The following NAP1L4 variants were observed in gnomAD, a reference collection of about 807,000 sequenced individuals.
NAP1L4 encodes nucleosome assembly protein 1 like 4.
A neutral mutation model predicts 58.2 loss-of-function variants in NAP1L4; 15 were observed. The ratio of observed to expected loss-of-function variants is 0.26; its 90% CI spans 0.17 to 0.40. The LOEUF is 0.40. NAP1L4 is among the 10% of genes least tolerant of loss of function. The probability of loss-of-function intolerance (pLI) is 1.00; values close to 1 mark genes in which losing one functional copy is unlikely to be tolerated. For synonymous variants in NAP1L4, 171 were observed against 155.6 expected (o/e 1.10, Z -0.74); for missense variants, 384 against 451.1 (o/e 0.85, Z 1.35).
At chr11:2,987,584 G>C (rs193277791) in intron 1 of NAP1L4, among the ~76,000 whole-genome samples, 1 of 151,140 alleles carries the variant, frequency 6.6e-6, no homozygotes, top group Non-Finnish European at 1.5e-5. Flanking sequence ...GGTGAAACCC[G>C]TCTCTACTAA....
chr11:2,950,691 C>G (rs1453959991), intron 14 of NAP1L4, among the ~76,000 whole-genome samples: 1 of 152,192 alleles, frequency 6.6e-6, no homozygotes, highest in Admixed American at 6.5e-5. Flanking sequence ...AAATAAAAAT[C>G]TAAATTTGCA....
In NAP1L4 at chr11:2,971,478, G is replaced by C. The variant is rs1847632487; in HGVS notation, c.372C>G (p.His124Gln). The C allele has an allele frequency of 6.2e-7, 1 of 1,613,800 alleles. No homozygotes were observed. Among genetic ancestry groups the C allele is most frequent in the Non-Finnish European group, 8.5e-7 (1 of 1,180,006 alleles). Reference sequence around the variant, plus strand: ...ATTTCTCTTCCTCTTCATTTTCACTGTGCCATTCCGATTCCGCATCTGTTG... The same window carrying C: ...ATTTCTCTTCCTCTTCATTTTCACTCTGCCATTCCGATTCCGCATCTGTTG... ...VEPTDAESEW[H>Q]SENEEEEKLA... is the part of the protein sequence containing the mutation. Residue 124 changes from histidine to glutamine, a missense_variant, in exon 6 of 16, where the codon CAC (histidine) becomes CAG (glutamine). His to Gln is a conservative substitution (Grantham distance 24, BLOSUM62 0). Coordinates refer to ENST00000380542, the MANE Select transcript of NAP1L4 (RefSeq NM_005969.4). This position sits in a 1 kb window ranked among gnomAD's most constrained non-coding sequence, Gnocchi z 4.2.
intron 15 of NAP1L4, among the ~76,000 whole-genome samples, chr11:2,947,901 A>C (rs762490437): frequency 2.2e-4 from 34 of 152,248 alleles, no homozygotes; most frequent in Admixed American, 1.3e-4. Flanking sequence ...CCAAGTGCCC[A>C]GAGCCCTATG....
At chr11:2,978,132 T>C (rs1426955130) in intron 3 of NAP1L4, 152 bp downstream of exon 3, 1 of 665,524 alleles carries the variant, frequency 1.5e-6, no homozygotes, top group Non-Finnish European at 2.5e-6. Flanking sequence ...AATACATCTT[T>C]TGTTAATGAG....
chr11:2,974,111 C>T (rs188186453), intron 4 of NAP1L4, among the ~76,000 whole-genome samples: 139 of 152,252 alleles, frequency 9.1e-4, no homozygotes, highest in Non-Finnish European at 1.3e-3. Flanking sequence ...AGCTTTCCAA[C>T]TGAAGTAAAA....
intron 4 of NAP1L4, among the ~76,000 whole-genome samples, chr11:2,975,178 C>T (rs1353742377): frequency 6.7e-6 from 1 of 149,782 alleles, no homozygotes; most frequent in Non-Finnish European, 1.5e-5. Flanking sequence ...AATTGCCATG[C>T]ATGGTGGTGC....
At chr11:2,976,636 T>C (rs1452840759) in intron 3 of NAP1L4, among the ~76,000 whole-genome samples, 1 of 152,240 alleles carries the variant, frequency 6.6e-6, no homozygotes, top group African/African-American at 2.4e-5. Flanking sequence ...CATGTGCTAC[T>C]CGCCTCTGCC....
chr11:2,944,756 T>C lies in NAP1L4; in HGVS notation c.*923A>G, dbSNP rs904272221. 2 of 152,140 alleles carry C rather than the reference T, an allele frequency of 1.3e-5. No individual in the cohort carries two copies. Among genetic ancestry groups the C allele is most frequent in the African/African-American group, 2.4e-5 (1 of 41,438 alleles). The allele number at this position is 152,140 out of a possible 1,614,324, so 9.4% of individuals were successfully genotyped here. A position where few individuals can be genotyped will look rare whatever the true frequency, so the allele number is the denominator to read the frequency against. ...AGGACTTCCCAGCCCAGTCCCTCAGTGGAGAAGACTGCCGAAGCCCGGCTC... is the reference window on the plus strand; with the variant it reads ...AGGACTTCCCAGCCCAGTCCCTCAGCGGAGAAGACTGCCGAAGCCCGGCTC... On this transcript the variant is annotated 3_prime_UTR_variant, in exon 16 of 16. Coordinates refer to ENST00000380542, the MANE Select transcript of NAP1L4 (RefSeq NM_005969.4).
intron 8 of NAP1L4, among the ~76,000 whole-genome samples, chr11:2,961,520 A>G (rs1564978516): frequency 6.7e-6 from 1 of 149,838 alleles, no homozygotes; most frequent in Admixed American, 6.7e-5. Flanking sequence ...AAAAAAAACC[A>G]ACATAAAGAG....
In NAP1L4 at chr11:2,955,499, T is replaced by A. The variant is rs752584082; in HGVS notation, c.915+245A>T. On this transcript the variant is annotated intron_variant, in intron 11 of 15. Coordinates refer to ENST00000380542, the MANE Select transcript of NAP1L4 (RefSeq NM_005969.4). The surrounding 1 kb of genome is among the most constrained non-coding windows in gnomAD (Gnocchi z 4.2). ...GGTATTACGGGCGTGAACCACCATG[T>A]TCGGCTGGCTAATTTATTTGGTTTT... 2.0e-5 allele frequency among the ~76,000 whole-genome samples: 3 copies of A among 152,074 alleles called. No homozygotes were observed. The highest frequency in any genetic ancestry group is 2.9e-5 in the Non-Finnish European group (2 of 68,010).
At chr11:2,957,043 G>A (rs1181929696) in intron 10 of NAP1L4, among the ~76,000 whole-genome samples, 1 of 151,536 alleles carries the variant, frequency 6.6e-6, no homozygotes, top group Non-Finnish European at 1.5e-5. Context: ...TTTTAGAGTT[G>A]TGCAACCATC....
intron 4 of NAP1L4, among the ~76,000 whole-genome samples, chr11:2,975,334 C>T (rs963658410): frequency 1.3e-5 from 2 of 151,990 alleles, no homozygotes; most frequent in African/African-American, 2.4e-5. Flanking sequence ...AAATTCCTTC[C>T]AGAAGTAAGA....
chr11:2,990,782 T>A, intron 1 of NAP1L4: 1 of 196,340 alleles, frequency 5.1e-6, no homozygotes, highest in Non-Finnish European at 1.1e-5. Flanking sequence ...CTATCTCAGG[T>A]TATTAGATTA....
intron 15 of NAP1L4, among the ~76,000 whole-genome samples, chr11:2,947,947 G>A (rs1353505929): frequency 2.6e-5 from 4 of 152,202 alleles, no homozygotes; most frequent in Non-Finnish European, 5.9e-5. Context: ...GACACTCCTC[G>A]GGGGTTGCTG....
At chr11:2,984,633 G>T (rs1032565599) in intron 1 of NAP1L4, among the ~76,000 whole-genome samples, 1 of 152,120 alleles carries the variant, frequency 6.6e-6, no homozygotes, top group Admixed American at 6.5e-5. Flanking sequence ...ACCTTCTGCA[G>T]AATACACATT....
chr11:2,972,777 T>C (rs950393727), intron 4 of NAP1L4, among the ~76,000 whole-genome samples: 1 of 152,192 alleles, frequency 6.6e-6, no homozygotes, highest in African/African-American at 2.4e-5. Flanking sequence ...AAGACCAGCC[T>C]GAGCAATACA....
chr11:2,948,382 T>A lies in NAP1L4; in HGVS notation c.*32+845A>T, dbSNP rs1459260134. Among the ~76,000 whole-genome samples the A allele has an allele frequency of 6.6e-6, 1 of 152,190 alleles. No individual in the cohort carries two copies. The highest frequency in any genetic ancestry group is 1.5e-5 in the Non-Finnish European group (1 of 68,028). ...AACGGAGTGCCTACTTATCCTGGCA[T>A]GCAGAGGCCCTGCTATGGTTGTGGG... On this transcript the variant is annotated intron_variant, in intron 15 of 15. Transcript: ENST00000380542. The surrounding 1 kb of genome is among the most constrained non-coding windows in gnomAD (Gnocchi z 5.1).
chr11:2,977,942 A>C (rs1848063682), intron 3 of NAP1L4, among the ~76,000 whole-genome samples: 1 of 152,040 alleles, frequency 6.6e-6, no homozygotes, highest in Non-Finnish European at 1.5e-5. Flanking sequence ...CTGCGGCAGG[A>C]AACTGCTTGA....
chr11:2,980,114 T>C (rs541044764), intron 1 of NAP1L4, among the ~76,000 whole-genome samples: 84 of 152,356 alleles, frequency 5.5e-4, no homozygotes, highest in African/African-American at 1.9e-3. Context: ...TTAGATGACA[T>C]TGTAACTGAA....
Sources: allele counts gnomAD v4.1 joint callset (sites outside exome capture counted in the v4.1 genomes callset), GRCh38; gene constraint gnomAD v4.1.1; non-coding constraint Gnocchi (gnomAD v3.1); transcripts MANE v1.5; gene names NCBI Gene and HGNC (gene_info 2026-07-23, HGNC 2026-07-21).